Variants in CYP4F11 observed in about 807,000 individuals in gnomAD.
The protein encoded by CYP4F11 is cytochrome P450 4F11.
A neutral mutation model predicts 62.2 loss-of-function variants in CYP4F11; 79 were observed. That is an observed-to-expected ratio of 1.27 (90% confidence interval 1.06 to 1.53). The LOEUF (loss-of-function observed/expected upper bound fraction) is 1.53, where lower values mean the gene tolerates loss of function less well. Among genes scored for constraint, CYP4F11 ranks in the 40% most tolerant of loss-of-function variants. CYP4F11 has a pLI of 0.00. For synonymous variants in CYP4F11, 290 were observed against 263.7 expected (o/e 1.10, Z -0.97); for missense variants, 777 against 680.5 (o/e 1.14, Z -1.58).
intron 4 of CYP4F11, among the ~76,000 whole-genome samples, chr19:15,925,680 A>G (rs2089663055): frequency 6.7e-6 from 1 of 149,694 alleles, no homozygotes; most frequent in Non-Finnish European, 1.5e-5. Flanking sequence ...CTTAAAGCAA[A>G]TGTGTGTGTG....
chr19:15,914,938 G>T, intron 8 of CYP4F11, 43 bp from the exon 9 acceptor site: 1 of 1,601,458 alleles, frequency 6.2e-7, no homozygotes, highest in Admixed American at 1.8e-5. Context: ...AGGGAACAAA[G>T]ACACAATTCT....
chr19:15,931,387 A>G lies in CYP4F11; in HGVS notation c.199-1786T>C, dbSNP rs1037787115. 4.6e-5 allele frequency among the ~76,000 whole-genome samples: 7 copies of G among 151,836 alleles called. No homozygotes were observed. The South Asian group carries it at 1.2e-3, about 27-fold the overall frequency. ...GTGGAGAAGGTGCAAATGCCAGGAGATCTTTGCTCTGTGCACCCATACCAC... is the reference window on the plus strand; with the variant it reads ...GTGGAGAAGGTGCAAATGCCAGGAGGTCTTTGCTCTGTGCACCCATACCAC... On this transcript the variant is annotated intron_variant, in intron 1 of 11. Coordinates refer to ENST00000402119, the MANE Select transcript of CYP4F11 (RefSeq NM_021187.4).
At chr19:15,931,569 G>A (rs374642032) in intron 1 of CYP4F11, among the ~76,000 whole-genome samples, 3,028 of 118,904 alleles carry the variant, frequency 0.025, 172 homozygotes, top group African/African-American at 0.034. Context: ...AGCGAGGAGA[G>A]GAATGAGTGA....
intron 4 of CYP4F11, among the ~76,000 whole-genome samples, chr19:15,926,960 C>T (rs1238372306): frequency 1.3e-5 from 2 of 152,230 alleles, no homozygotes; most frequent in Non-Finnish European, 2.9e-5. Flanking sequence ...GATCTTTACT[C>T]TCTTGAGTTT....
intron 4 of CYP4F11, among the ~76,000 whole-genome samples, chr19:15,926,302 A>G (rs913094758): frequency 7.2e-5 from 11 of 152,234 alleles, no homozygotes; most frequent in Non-Finnish European, 8.8e-5. Flanking sequence ...ATGCAAACCA[A>G]GAACATGCTG....
chr19:15,924,026 C>T lies in CYP4F11; in HGVS notation c.704G>A (p.Arg235Lys). Residue 235 changes from arginine to lysine, a missense_variant, in exon 6 of 12, where the codon AGA (arginine) becomes AAA (lysine). Coordinates refer to ENST00000402119, the MANE Select transcript of CYP4F11 (RefSeq NM_021187.4). ...CGTGTGCAAGAGAATCTGCTGGTTT[C>T]TCTTTTCTACAAAGGCACTGAGCTC... Reference protein sequence around the residue: ...ILELSAFVEKRNQQILLHTDF... With the variant: ...ILELSAFVEKKNQQILLHTDF... 1.2e-6 allele frequency: 2 copies of T among 1,614,162 alleles called. No homozygotes were observed. Among genetic ancestry groups the T allele is most frequent in the South Asian group, 1.1e-5 (1 of 91,080 alleles).
chr19:15,925,760 C>A (rs1224147864), intron 4 of CYP4F11, among the ~76,000 whole-genome samples: 2 of 65,338 alleles, frequency 3.1e-5, no homozygotes, highest in African/African-American at 1.1e-4. Context: ...ACACACACAC[C>A]CTGTAGTTGT....
Position 15,913,555 on chromosome 19 carries a change from G to C in CYP4F11, c.*177C>G, listed in dbSNP as rs1317405837. 2 of 744,706 alleles carry C rather than the reference G, an allele frequency of 2.7e-6. No individual in the cohort carries two copies. Among genetic ancestry groups the C allele is most frequent in the Non-Finnish European group, 4.3e-6 (2 of 462,840 alleles). 46.1% of individuals were successfully genotyped at this position (744,706 alleles called of 1,614,324 possible). On this transcript the variant is annotated 3_prime_UTR_variant, in exon 12 of 12. Transcript: ENST00000402119. ...CCTAGATGCCCTGTGCTCAGCCAGAGAGGCCGTCAGGGTTTTGGGTTCAGA... is the reference window on the plus strand; with the variant it reads ...CCTAGATGCCCTGTGCTCAGCCAGACAGGCCGTCAGGGTTTTGGGTTCAGA...
intron 8 of CYP4F11, among the ~76,000 whole-genome samples, chr19:15,915,571 A>G (rs1419579260): frequency 6.6e-6 from 1 of 152,164 alleles, no homozygotes; most frequent in African/African-American, 2.4e-5. Context: ...TGCCTAAGTT[A>G]TTATTATTTT....
chr19:15,927,475 C>T lies in CYP4F11; in HGVS notation c.352G>A (p.Ala118Thr), dbSNP rs201379667. The change falls in exon 3 of 12, where the codon GCA (alanine) becomes ACA (threonine). Residue 118 changes from alanine to threonine, a missense_variant. Ala to Thr is a moderately conservative substitution (Grantham distance 58, BLOSUM62 0). Transcript: ENST00000402119. The part of the protein sequence containing the change: ...RPITSASAAV[A>T]PKDMIFYGFL... ...CCATAGAAAATCATATCCTTGGGTG[C>T]GACAGCAGCTGACATGATTGAGGAC... 30 of 1,613,968 alleles carry T rather than the reference C, an allele frequency of 1.9e-5. 1 individual carries two copies. In the Middle Eastern group the frequency reaches 6.6e-4, roughly 35 times the overall value.
At chr19:15,920,595 CA>C (rs1213439633) in intron 8 of CYP4F11, among the ~76,000 whole-genome samples, 1 of 152,172 alleles carries the variant, frequency 6.6e-6, no homozygotes. Context: ...GCACTACCTT[CA>C]AAAGGCCTGT....
At chr19:15,931,644 GGAGAGGAATGAGTGAGCGA>G (rs2089724627) in intron 1 of CYP4F11, among the ~76,000 whole-genome samples, 2 of 61,246 alleles carry the variant, frequency 3.3e-5, no homozygotes, top group Non-Finnish European at 6.0e-5. Context: ...GAGTGAGCGA[GGAGAGGAATGAGTGAGCGA>G]GGAGAGGAAT....
At chr19:15,932,240 GCGGGGAGAGGAA>G (rs2089732740) in intron 1 of CYP4F11, among the ~76,000 whole-genome samples, 1 of 29,048 alleles carries the variant, frequency 3.4e-5, no homozygotes. Flanking sequence ...GAATGAGTGA[GCGGGGAGAGGAA>G]TGAGTGAGTG....
chr19:15,930,738 G>A (rs942477854), intron 1 of CYP4F11, among the ~76,000 whole-genome samples: 1 of 152,126 alleles, frequency 6.6e-6, no homozygotes, highest in African/African-American at 2.4e-5. Context: ...CATGGAAGGA[G>A]GTCTGTGGAC....
chr19:15,913,621 A>T lies in CYP4F11; in HGVS notation c.*111T>A. The stretch of plus-strand genomic sequence containing the variant: ...CCACCCACTCACCTCCCTTTCTTAG[A>T]TCCCACCAGTCCCCAGGAGCCCCAT... On this transcript the variant is annotated 3_prime_UTR_variant, in exon 12 of 12. Transcript: ENST00000402119. 7.2e-7 allele frequency: 1 copy of T among 1,393,498 alleles called. No individual in the cohort carries two copies. Among genetic ancestry groups the T allele is most frequent in the Non-Finnish European group, 9.9e-7 (1 of 1,011,834 alleles). 86.3% of individuals were successfully genotyped at this position (1,393,498 alleles called of 1,614,324 possible).
chr19:15,924,995 G>T, intron 4 of CYP4F11, 113 bp from the exon 5 acceptor site: 1 of 1,257,760 alleles, frequency 8.0e-7, no homozygotes, highest in Non-Finnish European at 1.1e-6. Flanking sequence ...CTCTGCCCCA[G>T]GTACCCATCC....
Position 15,912,786 on chromosome 19 carries a change from TA to T in CYP4F11, c.*945del, listed in dbSNP as rs2089547379. 2 of 31,690 alleles carry T rather than the reference TA, an allele frequency of 6.3e-5. No individual in the cohort carries two copies. The highest frequency in any genetic ancestry group is 5.8e-4 in the Admixed American group (2 of 3,432). The allele number at this position is 31,690 out of a possible 1,614,324, so 2.0% of individuals were successfully genotyped here. ...GTGTGTGTGTGTATATATATATATA[TA>T]TAATATATATATATATATACATATC... On this transcript the variant is annotated 3_prime_UTR_variant, in exon 12 of 12. Transcript: ENST00000402119.
In CYP4F11 at chr19:15,934,399, G is replaced by T; in HGVS notation, c.10C>A (p.Leu4Met). The T allele has an allele frequency of 6.2e-7, 1 of 1,613,152 alleles. No homozygotes were observed. The highest frequency in any genetic ancestry group is 8.5e-7 in the Non-Finnish European group (1 of 1,179,644). The change falls in exon 1 of 12, where the codon CTG becomes ATG. Residue 4 changes from leucine to methionine, a missense_variant. Physicochemically the swap from Leu to Met is conservative, Grantham distance 15. Coordinates refer to ENST00000402119, the MANE Select transcript of CYP4F11 (RefSeq NM_021187.4). The part of the protein sequence containing the change: MPQ[L>M]SLSWLGLGPV... The stretch of plus-strand genomic sequence containing the variant: ...CCGAGGCCCAGCCAGGACAGGCTCA[G>T]CTGCGGCATCCTGCAGGGCAGACGG...
At chr19:15,913,981 G>A (rs1806375377) in intron 11 of CYP4F11, 72 bp from the exon 12 acceptor site, 3 of 1,532,064 alleles carry the variant, frequency 2.0e-6, no homozygotes, top group Non-Finnish European at 2.6e-6. Context: ...TTAGAACCTG[G>A]CCTGGGACCC....
Sources: allele counts gnomAD v4.1 joint callset (sites outside exome capture counted in the v4.1 genomes callset), GRCh38; gene constraint gnomAD v4.1.1; transcripts MANE v1.5; gene names NCBI Gene and HGNC (gene_info 2026-07-23, HGNC 2026-07-21).